The following HS3ST4 variants were observed in gnomAD, a reference collection of about 807,000 sequenced individuals.
The protein encoded by HS3ST4 is heparan sulfate-glucosamine 3-sulfotransferase 4, also known as heparan sulfate glucosamine 3-O-sulfotransferase 4.
A neutral mutation model predicts 29.2 loss-of-function variants in HS3ST4; 17 were observed. The ratio of observed to expected loss-of-function variants is 0.58; its 90% CI spans 0.40 to 0.87. The LOEUF is 0.87. Ranked by LOEUF, HS3ST4 falls within the 40% of genes least tolerant of loss-of-function variation. The probability of loss-of-function intolerance (pLI) is 0.00; values close to 1 mark genes in which losing one functional copy is unlikely to be tolerated. For missense variants in HS3ST4, 627 were observed against 634.5 expected, an observed-to-expected ratio of 0.99 and a Z score of 0.13; for synonymous variants, 314 against 285.7, an observed-to-expected ratio of 1.10 and a Z score of -1.00.
chr16:26,088,199 C>T (rs1227635795), intron 1 of HS3ST4, among the ~76,000 whole-genome samples: 4 of 152,180 alleles, frequency 2.6e-5, no homozygotes, highest in South Asian at 4.1e-4. Context: ...GTCCAGAACA[C>T]GTGTTCCTCT....
chr16:26,130,820 A>AACACAGGACATAGATGTCC (rs1352047761), intron 1 of HS3ST4, among the ~76,000 whole-genome samples: 6 of 152,182 alleles, frequency 3.9e-5, no homozygotes, highest in African/African-American at 1.4e-4. Flanking sequence ...GTGGAACTTG[A>AACACAGGACATAGATGTCC]ACACAGGACA....
Position 25,692,958 on chromosome 16 carries a change from A to G in HS3ST4, c.541A>G (p.Ser181Gly), listed in dbSNP as rs903705259. The G allele has an allele frequency of 5.6e-6, 9 of 1,610,718 alleles. No homozygotes were observed. The highest frequency in any genetic ancestry group is 3.3e-4 in the Middle Eastern group (2 of 6,018). ...LAGRRAANGSSERGGAVSTPD... is the reference protein window; with the variant it reads ...LAGRRAANGSGERGGAVSTPD... ...AGGCCGGAGAGCGGCCAACGGGAGC[A>G]GCGAGAGGGGCGGCGCCGTCAGCAC... is the stretch of plus-strand genomic sequence containing the variant. The change falls in exon 1 of 2, where the codon AGC (serine) becomes GGC (glycine). Residue 181 changes from serine to glycine, a missense_variant. By Grantham distance (56) the Ser-to-Gly change is moderately conservative (BLOSUM62 0). This residue lies in a region of HS3ST4 where 402 missense variants were observed against 340.8 expected (regional missense o/e 1.18). Coordinates refer to ENST00000331351, the MANE Select transcript of HS3ST4 (RefSeq NM_006040.3).
At chr16:25,695,727 G>C (rs1966290649) in intron 1 of HS3ST4, among the ~76,000 whole-genome samples, 1 of 152,188 alleles carries the variant, frequency 6.6e-6, no homozygotes, top group South Asian at 2.1e-4. Flanking sequence ...AAACAGTATA[G>C]TTCCTTCCTA....
rs1373023221 is a variant in HS3ST4 at position 26,025,835 on chromosome 16, G to A, written c.735-109777G>A. ...TCTGTCGCCAGGCTGGAGTGCAGTG[G>A]TGTGATCTTGGCTCACTGTAACCTC... On this transcript the variant is annotated intron_variant, in intron 1 of 1. Transcript: ENST00000331351. Among the ~76,000 whole-genome samples the A allele has an allele frequency of 2.0e-5, 3 of 152,202 alleles. No individual in the cohort carries two copies. The East Asian group carries it at 5.8e-4, about 29-fold the overall frequency.
intron 1 of HS3ST4, among the ~76,000 whole-genome samples, chr16:25,770,731 C>T (rs578147802): frequency 5.3e-5 from 8 of 152,298 alleles, no homozygotes; most frequent in Non-Finnish European, 1.0e-4. Context: ...TGCTTGCTTC[C>T]TGATACATTT....
chr16:25,844,086 T>C (rs571940794), intron 1 of HS3ST4, among the ~76,000 whole-genome samples: 3 of 152,296 alleles, frequency 2.0e-5, no homozygotes, highest in African/African-American at 4.8e-5. Flanking sequence ...CACATGTTTG[T>C]TTTTTAAATC....
intron 1 of HS3ST4, among the ~76,000 whole-genome samples, chr16:25,797,535 G>A (rs1017992520): frequency 6.6e-6 from 1 of 152,156 alleles, no homozygotes; most frequent in Non-Finnish European, 1.5e-5. Flanking sequence ...GCACATGTTA[G>A]CTGTTAGATT....
chr16:25,918,807 A>G (rs1345831786), intron 1 of HS3ST4, among the ~76,000 whole-genome samples: 1 of 152,154 alleles, frequency 6.6e-6, no homozygotes, highest in East Asian at 1.9e-4. Context: ...CTCCGTCTCA[A>G]AAAAACAAAA....
chr16:25,993,685 C>T (rs72778335), intron 1 of HS3ST4, among the ~76,000 whole-genome samples: 27,934 of 151,696 alleles, frequency 0.18, 2,660 homozygotes, highest in South Asian at 0.22. Flanking sequence ...ATATAAAACA[C>T]CTAGCACTTG....
intron 1 of HS3ST4, among the ~76,000 whole-genome samples, chr16:25,715,170 A>G (rs1051127397): frequency 6.6e-6 from 1 of 151,362 alleles, no homozygotes; most frequent in Non-Finnish European, 1.5e-5. Flanking sequence ...AAAATACAAA[A>G]AATTAGCCGG....
chr16:25,813,553 C>T lies in HS3ST4; in HGVS notation c.734+120402C>T, dbSNP rs545300577. Among the ~76,000 whole-genome samples, 7 of 152,236 alleles carry T rather than the reference C, an allele frequency of 4.6e-5. No homozygotes were observed. In the East Asian group the frequency reaches 7.7e-4, roughly 17 times the overall value. On this transcript the variant is annotated intron_variant, in intron 1 of 1. Transcript: ENST00000331351. ...CGGAGGTTGTGGTGAGCCGAGATCA[C>T]GCCATTGCAATCTAGCCTGGGCAGC... is the stretch of plus-strand genomic sequence containing the variant.
At chr16:26,084,457 C>G (rs777692258) in intron 1 of HS3ST4, among the ~76,000 whole-genome samples, 3 of 152,188 alleles carry the variant, frequency 2.0e-5, no homozygotes, top group Admixed American at 1.3e-4. Flanking sequence ...ATGCAAGTCT[C>G]AAAGCTCACA....
At chr16:25,990,566 G>A (rs1969105674) in intron 1 of HS3ST4, among the ~76,000 whole-genome samples, 1 of 152,262 alleles carries the variant, frequency 6.6e-6, no homozygotes, top group African/African-American at 2.4e-5. Flanking sequence ...TATTCCAACA[G>A]TGCTAATATC....
intron 1 of HS3ST4, among the ~76,000 whole-genome samples, chr16:25,868,323 A>G (rs1040342639): frequency 6.6e-6 from 1 of 152,038 alleles, no homozygotes; most frequent in African/African-American, 2.4e-5. Flanking sequence ...AGCATTGAAG[A>G]TTCATTGTAA....
rs1255512559 is a variant in HS3ST4, at chr16:25,976,568, T to TG, written c.735-159039dup. Among the ~76,000 whole-genome samples the TG allele has an allele frequency of 2.6e-5, 4 of 151,998 alleles. No homozygotes were observed. The East Asian group carries it at 5.8e-4, about 22-fold the overall frequency. ...GGAAGGCGTGGTTGGTGTATGGCGG[T>TG]GGGGGTTTTATTTAGGCATGCAATG... On this transcript the variant is annotated intron_variant, in intron 1 of 1. Transcript: ENST00000331351.
rs192860693 is a variant in HS3ST4 at position 26,108,357 on chromosome 16, A to C, written c.735-27255A>C. ...CTTCTTGCTAAGATGGGAATCAGGGAGCTCACTTTTCAGAATTAGGAATTA... is the reference window on the plus strand; with the variant it reads ...CTTCTTGCTAAGATGGGAATCAGGGCGCTCACTTTTCAGAATTAGGAATTA... On this transcript the variant is annotated intron_variant, in intron 1 of 1. Transcript: ENST00000331351. Among the ~76,000 whole-genome samples the C allele has an allele frequency of 4.9e-4, 74 of 152,276 alleles. No homozygotes were observed. In the East Asian group the frequency reaches 0.013, roughly 26 times the overall value.
At chr16:26,076,851 A>G (rs1898670089) in intron 1 of HS3ST4, among the ~76,000 whole-genome samples, 1 of 152,212 alleles carries the variant, frequency 6.6e-6, no homozygotes, top group African/African-American at 2.4e-5. Context: ...TTTCAGCCAC[A>G]CTGGCCACTT....
intron 1 of HS3ST4, among the ~76,000 whole-genome samples, chr16:25,694,254 C>G (rs2141577557): frequency 6.6e-6 from 1 of 152,248 alleles, no homozygotes; most frequent in South Asian, 2.1e-4. Flanking sequence ...GGTTGCCTGC[C>G]CGTTGAGGAG....
chr16:26,065,274 C>T (rs942166815), intron 1 of HS3ST4, among the ~76,000 whole-genome samples: 16 of 152,156 alleles, frequency 1.1e-4, no homozygotes, highest in African/African-American at 3.9e-4. Context: ...ACATATACAC[C>T]ATGGAATACT....
Sources: gnomAD v4.1 joint callset for allele counts (sites outside exome capture counted in the v4.1 genomes callset) on GRCh38, gnomAD v4.1.1 for gene constraint, gnomAD v4.1.1 regional missense constraint, MANE v1.5 for transcripts, NCBI Gene and HGNC (gene_info 2026-07-23, HGNC 2026-07-21) for gene names.